The following IFT25 variants were observed in gnomAD, a reference collection of about 807,000 sequenced individuals.
The protein encoded by IFT25 is intraflagellar transport 25.
chr1:53,942,573 T>G, the IFT25 span, among the ~76,000 whole-genome samples: 1 of 152,194 alleles, frequency 6.6e-6, no homozygotes, highest in African/African-American at 2.4e-5. Flanking sequence ...ACAAAAAAGT[T>G]TGCCAACCTC....
chr1:53,924,282 A>G, the IFT25 span, among the ~76,000 whole-genome samples: 2 of 152,202 alleles, frequency 1.3e-5, no homozygotes, highest in African/African-American at 4.8e-5. Flanking sequence ...CTTTCAAGAA[A>G]AAAAAGTGAA....
At chr1:53,921,827 C>T in the IFT25 span, 3 of 1,015,802 alleles carry the variant, frequency 3.0e-6, no homozygotes, top group Non-Finnish European at 4.7e-6. Flanking sequence ...TGTTAACAAG[C>T]AGTTAGCAAA....
the IFT25 span, chr1:53,928,478 G>A: frequency 6.8e-7 from 1 of 1,480,788 alleles, no homozygotes; most frequent in Non-Finnish European, 9.4e-7. Flanking sequence ...TGTTAATCTG[G>A]CTGTATGTTT....
the IFT25 span, among the ~76,000 whole-genome samples, chr1:53,941,822 G>T: frequency 6.6e-6 from 1 of 152,126 alleles, no homozygotes; most frequent in Non-Finnish European, 1.5e-5. Flanking sequence ...ATATATTTCG[G>T]TTTGTCTGAT....
chr1:53,912,349 T>C, the IFT25 span, among the ~76,000 whole-genome samples: 1 of 152,230 alleles, frequency 6.6e-6, no homozygotes. Context: ...ACATTGAGCA[T>C]TGATTCTTTT....
the IFT25 span, chr1:53,928,551 C>A: frequency 2.9e-6 from 2 of 695,742 alleles, no homozygotes; most frequent in South Asian, 3.7e-5. Context: ...CTACACAGAG[C>A]ACTGGGATCA....
the IFT25 span, among the ~76,000 whole-genome samples, chr1:53,919,499 G>C: frequency 6.6e-6 from 1 of 152,084 alleles, no homozygotes; most frequent in Non-Finnish European, 1.5e-5. Flanking sequence ...ACACTATCTA[G>C]ACCATAGGAG....
At chr1:53,943,393 C>T in the IFT25 span, among the ~76,000 whole-genome samples, 1 of 152,174 alleles carries the variant, frequency 6.6e-6, no homozygotes, top group Non-Finnish European at 1.5e-5. Context: ...ATCCTGTACT[C>T]CAGTGGTTCT....
At chr1:53,912,129 CCTAAGTA>C in the IFT25 span, among the ~76,000 whole-genome samples, 57 of 152,286 alleles carry the variant, frequency 3.7e-4, 1 homozygote, top group South Asian at 0.011. Flanking sequence ...CACTGTTCCT[CCTAAGTA>C]CTAAGTTGCA....
At chr1:53,921,245 T>C in the IFT25 span, among the ~76,000 whole-genome samples, 41 of 152,320 alleles carry the variant, frequency 2.7e-4, no homozygotes, top group East Asian at 6.0e-3. Flanking sequence ...ATAACCTCAG[T>C]GAAACCCTTC....
At chr1:53,934,953 T>C in the IFT25 span, among the ~76,000 whole-genome samples, 2 of 152,314 alleles carry the variant, frequency 1.3e-5, no homozygotes, top group East Asian at 3.9e-4. Context: ...GAGCTGAGAC[T>C]GCACCACTGC....
chr1:53,937,673 G>C, the IFT25 span, among the ~76,000 whole-genome samples: 1 of 152,024 alleles, frequency 6.6e-6, no homozygotes, highest in East Asian at 1.9e-4. Flanking sequence ...GAACATACTC[G>C]CTTGAGAGAA....
At chr1:53,932,141 A>C in the IFT25 span, among the ~76,000 whole-genome samples, 1 of 152,208 alleles carries the variant, frequency 6.6e-6, no homozygotes, top group Non-Finnish European at 1.5e-5. Flanking sequence ...ACCTGAGGTC[A>C]GCAGTTCAAG....
the IFT25 span, among the ~76,000 whole-genome samples, chr1:53,922,394 C>CAAAA: frequency 1.1e-5 from 1 of 94,672 alleles, no homozygotes; most frequent in Non-Finnish European, 2.5e-5. Flanking sequence ...AATTCCGTCT[C>CAAAA]AAAAAAAAAA....
At chr1:53,935,250 C>T in the IFT25 span, among the ~76,000 whole-genome samples, 1 of 152,126 alleles carries the variant, frequency 6.6e-6, no homozygotes, top group Admixed American at 6.5e-5. Flanking sequence ...GAGGCAGAGA[C>T]TGCAGTGAGA....
chr1:53,927,235 C>T, the IFT25 span, among the ~76,000 whole-genome samples: 174 of 152,346 alleles, frequency 1.1e-3, no homozygotes, highest in African/African-American at 4.1e-3. Context: ...GCATGAGCCA[C>T]ACTTATTGAT....
At chr1:53,919,289 A>C in the IFT25 span, among the ~76,000 whole-genome samples, 1 of 152,258 alleles carries the variant, frequency 6.6e-6, no homozygotes, top group Non-Finnish European at 1.5e-5. Flanking sequence ...GTATTTAGAG[A>C]TAGCAGAAGA....
chr1:53,942,996 T>C, the IFT25 span, among the ~76,000 whole-genome samples: 9 of 152,058 alleles, frequency 5.9e-5, no homozygotes, highest in Non-Finnish European at 8.8e-5. Context: ...CCATATTACA[T>C]AGAAAAAGGT....
the IFT25 span, among the ~76,000 whole-genome samples, chr1:53,912,939 A>G: frequency 1.3e-5 from 2 of 152,182 alleles, no homozygotes; most frequent in South Asian, 4.1e-4. Flanking sequence ...TGTCCCAGGA[A>G]CCACACTTTG....
Sources: allele counts gnomAD v4.1 joint callset (sites outside exome capture counted in the v4.1 genomes callset), GRCh38; gene constraint gnomAD v4.1.1; transcripts MANE v1.5; gene names NCBI Gene and HGNC (gene_info 2026-07-23, HGNC 2026-07-21).